The following PACRG variants were observed in gnomAD, a reference collection of about 807,000 sequenced individuals.
PACRG encodes parkin coregulated gene protein.
A neutral mutation model predicts 29.7 loss-of-function variants in PACRG; 29 were observed. The observed-to-expected ratio is 0.98, with a 90% confidence interval of 0.73 to 1.33. PACRG has a LOEUF of 1.33. Among genes scored for constraint, PACRG ranks in the 40% most tolerant of loss-of-function variants. The pLI, the probability that PACRG is intolerant of heterozygous loss-of-function variation, is 0.00. For missense variants in PACRG, 279 were observed against 316.2 expected (o/e 0.88, Z 0.89); for synonymous variants, 116 against 118.7 (o/e 0.98, Z 0.15).
At chr6:162,847,953 A>G (rs565652626) in intron 2 of PACRG, among the ~76,000 whole-genome samples, 1 of 152,302 alleles carries the variant, frequency 6.6e-6, no homozygotes, top group South Asian at 2.1e-4. Flanking sequence ...AGATCATTCC[A>G]TCAGGAATAG....
chr6:163,098,517 G>C (rs1814805233), intron 4 of PACRG, among the ~76,000 whole-genome samples: 2 of 152,168 alleles, frequency 1.3e-5, no homozygotes, highest in Non-Finnish European at 2.9e-5. Flanking sequence ...CACCAGGCGG[G>C]AGAGCCCAGA....
chr6:162,918,106 T>G (rs1477594793), intron 2 of PACRG, among the ~76,000 whole-genome samples: 1 of 152,184 alleles, frequency 6.6e-6, no homozygotes, highest in Non-Finnish European at 1.5e-5. Context: ...GATAATAATA[T>G]TCAATAAATT....
At chr6:162,926,506 A>G (rs1797451120) in intron 2 of PACRG, among the ~76,000 whole-genome samples, 1 of 152,278 alleles carries the variant, frequency 6.6e-6, no homozygotes, top group Admixed American at 6.5e-5. Flanking sequence ...CCACACATCT[A>G]CAACCATCTG....
rs542043679 is a variant in PACRG at position 163,291,457 on chromosome 6, G to C, written c.614-23370G>C. ...ACCCTGCAAGATGACCCCTCTGCCC[G>C]CCCGAGCTGGCCTGCGGGGCATCTG... On this transcript the variant is annotated intron_variant, in intron 4 of 4. Transcript: ENST00000366888. Among the ~76,000 whole-genome samples the C allele has an allele frequency of 5.3e-5, 8 of 152,126 alleles. No homozygotes were observed. In the East Asian group the frequency reaches 1.5e-3, roughly 29 times the overall value.
At chr6:162,801,563 AT>A (rs1283325546) in intron 1 of PACRG, among the ~76,000 whole-genome samples, 11 of 152,184 alleles carry the variant, frequency 7.2e-5, no homozygotes, top group Non-Finnish European at 1.3e-4. Context: ...GCACATGTTA[AT>A]TTTGGTTTTT....
intron 4 of PACRG, among the ~76,000 whole-genome samples, chr6:163,281,191 G>A (rs1308199686): frequency 2.0e-5 from 3 of 152,112 alleles, no homozygotes; most frequent in African/African-American, 7.2e-5. Context: ...CACAACTGGG[G>A]ACCTGTGGTG....
chr6:163,283,523 G>A (rs138362769), intron 4 of PACRG, among the ~76,000 whole-genome samples: 33 of 152,292 alleles, frequency 2.2e-4, no homozygotes, highest in South Asian at 1.2e-3. Flanking sequence ...ATTTAGGGCC[G>A]GGCGCGGTGG....
intron 4 of PACRG, among the ~76,000 whole-genome samples, chr6:163,309,767 G>A (rs908685458): frequency 6.6e-6 from 1 of 152,178 alleles, no homozygotes; most frequent in Non-Finnish European, 1.5e-5. Flanking sequence ...CTCCTCCCGT[G>A]GACCTGACAA....
intron 2 of PACRG, among the ~76,000 whole-genome samples, chr6:162,949,807 A>G (rs960681339): frequency 1.3e-5 from 2 of 152,138 alleles, no homozygotes; most frequent in African/African-American, 4.8e-5. Flanking sequence ...CCCAGCTCTG[A>G]AGAGGGCTGA....
intron 4 of PACRG, among the ~76,000 whole-genome samples, chr6:163,117,396 G>C (rs911342899): frequency 2.6e-5 from 4 of 152,224 alleles, no homozygotes; most frequent in Admixed American, 1.3e-4. Flanking sequence ...AAGGAGGCTG[G>C]TGGTGAGGGC....
chr6:163,173,923 CATTGT>C (rs1457932690), intron 4 of PACRG, among the ~76,000 whole-genome samples: 1 of 152,192 alleles, frequency 6.6e-6, no homozygotes, highest in Non-Finnish European at 1.5e-5. Context: ...TAAAGGACGT[CATTGT>C]TCCCTGGAGC....
intron 2 of PACRG, among the ~76,000 whole-genome samples, chr6:162,816,738 A>T (rs1787384571): frequency 6.6e-6 from 1 of 152,186 alleles, no homozygotes; most frequent in Admixed American, 6.5e-5. Context: ...TGAAAGGACA[A>T]TCTGGTGCTA....
chr6:162,732,330 G>A (rs544599060), intron 1 of PACRG, among the ~76,000 whole-genome samples: 1 of 152,252 alleles, frequency 6.6e-6, no homozygotes, highest in South Asian at 2.1e-4. Context: ...AATGAGGCAG[G>A]AAGAAATGAA....
chr6:162,944,176 A>G (rs1798833986), intron 2 of PACRG, among the ~76,000 whole-genome samples: 1 of 152,226 alleles, frequency 6.6e-6, no homozygotes, highest in Non-Finnish European at 1.5e-5. Flanking sequence ...AGTAATAACT[A>G]CCGTAAGCCA....
At chr6:163,298,050 C>T (rs1297773228) in intron 4 of PACRG, among the ~76,000 whole-genome samples, 1 of 152,182 alleles carries the variant, frequency 6.6e-6, no homozygotes, top group African/African-American at 2.4e-5. Context: ...CATCACATCT[C>T]TCTGCTCTCT....
intron 2 of PACRG, among the ~76,000 whole-genome samples, chr6:162,911,564 G>T (rs1019935994): frequency 6.6e-6 from 1 of 152,182 alleles, no homozygotes; most frequent in Non-Finnish European, 1.5e-5. Context: ...AGATAGATAT[G>T]CAGTGAACAA....
At chr6:162,782,806 A>G (rs1037428135) in intron 1 of PACRG, among the ~76,000 whole-genome samples, 8 of 151,888 alleles carry the variant, frequency 5.3e-5, no homozygotes, top group Admixed American at 1.3e-4. Context: ...AAAAGCTTTT[A>G]TGGAAGCAAA....
chr6:163,245,141 A>T, intron 4 of PACRG: 1 of 397,172 alleles, frequency 2.5e-6, no homozygotes, highest in Non-Finnish European at 5.1e-6. Flanking sequence ...AATTAATTCC[A>T]AACTAAATAA....
chr6:163,292,612 A>G (rs11962640), intron 4 of PACRG, among the ~76,000 whole-genome samples: 21,528 of 77,702 alleles, frequency 0.28, 2,981 homozygotes, highest in African/African-American at 0.53. Context: ...ATTAGTAGAG[A>G]TAGGGTTTCA....
Sources: gnomAD v4.1 joint callset for allele counts (sites outside exome capture counted in the v4.1 genomes callset) on GRCh38, gnomAD v4.1.1 for gene constraint, MANE v1.5 for transcripts, NCBI Gene and HGNC (gene_info 2026-07-23, HGNC 2026-07-21) for gene names.